Variants in NCF4 observed in about 807,000 individuals in gnomAD.
NCF4 encodes the protein neutrophil cytosol factor 4.
A neutral mutation model predicts 41.7 loss-of-function variants in NCF4; 30 were observed. The ratio of observed to expected loss-of-function variants is 0.72; its 90% CI spans 0.54 to 0.97. The LOEUF is 0.97. Among genes scored for constraint, NCF4 ranks in the 50% least tolerant of loss-of-function variants. The pLI, the probability that NCF4 is intolerant of heterozygous loss-of-function variation, is 0.00. For synonymous variants in NCF4, 195 were observed against 175.8 expected (o/e 1.11, Z -0.87); for missense variants, 432 against 460.9 (o/e 0.94, Z 0.57).
chr22:36,873,207 T>C (rs1012327916), intron 7 of NCF4, among the ~76,000 whole-genome samples: 2 of 142,102 alleles, frequency 1.4e-5, no homozygotes, highest in Non-Finnish European at 3.0e-5. Flanking sequence ...AAGATGGAGG[T>C]GAGGATAGAG....
intron 7 of NCF4, among the ~76,000 whole-genome samples, chr22:36,872,663 A>T (rs141893035): frequency 1.5e-3 from 52 of 34,170 alleles, no homozygotes; most frequent in Non-Finnish European, 1.4e-3. Flanking sequence ...ATGAGATTGG[A>T]GGTGAGGATG....
At chr22:36,869,950 G>A (rs1308341695) in intron 4 of NCF4, 3 of 212,610 alleles carry the variant, frequency 1.4e-5, no homozygotes, top group Non-Finnish European at 2.9e-5. Flanking sequence ...TAAGCTTTGG[G>A]TAGCCTTTAG....
chr22:36,864,048 C>G lies in NCF4; in HGVS notation c.36C>G (p.Asp12Glu), dbSNP rs766618219. ...TCTTTTCCCCTCCTTCGCACAGTGA[C>G]TTTGAACAGCTTCCGGATGATGTTG... ...AVAQQLRAES[D>E]FEQLPDDVAI... is the part of the protein sequence containing the mutation. Residue 12 changes from aspartate to glutamate, a missense_variant, in exon 2 of 10, where the codon GAC (aspartate) becomes GAG (glutamate). Transcript: ENST00000248899. The G allele has an allele frequency of 6.2e-7, 1 of 1,614,140 alleles. No homozygotes were observed. Among genetic ancestry groups the G allele is most frequent in the South Asian group, 1.1e-5 (1 of 91,078 alleles).
chr22:36,870,132 C>T, intron 4 of NCF4: 1 of 480,652 alleles, frequency 2.1e-6, no homozygotes, highest in Non-Finnish European at 3.8e-6. Context: ...TTGTCATCAC[C>T]ATTACTGCTG....
At chr22:36,873,862 AAC>A (rs146023502) in intron 7 of NCF4, among the ~76,000 whole-genome samples, 103,553 of 151,812 alleles carry the variant, frequency 0.68, 36,029 homozygotes, top group Admixed American at 0.76. Flanking sequence ...GTGAAATCGC[AAC>A]CACTTGTGTA....
At chr22:36,876,404 A>AC (rs1334870821) in intron 9 of NCF4, among the ~76,000 whole-genome samples, 2 of 151,640 alleles carry the variant, frequency 1.3e-5, no homozygotes, top group African/African-American at 4.8e-5. Flanking sequence ...GGGACTCACT[A>AC]CCCCCCCAGG....
intron 6 of NCF4, 151 bp downstream of exon 6, chr22:36,871,860 C>T (rs1246417603): frequency 1.0e-6 from 1 of 983,414 alleles, no homozygotes; most frequent in Non-Finnish European, 1.5e-6. Flanking sequence ...CAGCCTCAGC[C>T]TCTGCCACTG....
intron 1 of NCF4, among the ~76,000 whole-genome samples, chr22:36,863,704 C>T (rs892045698): frequency 2.5e-5 from 1 of 39,282 alleles, no homozygotes; most frequent in Non-Finnish European, 5.2e-5. Flanking sequence ...TGCCTTATTC[C>T]CAGGTGAATC....
At chr22:36,861,481 G>A (rs1939773183) in intron 1 of NCF4, among the ~76,000 whole-genome samples, 1 of 152,244 alleles carries the variant, frequency 6.6e-6, no homozygotes, top group Admixed American at 6.5e-5. Flanking sequence ...GGAGAGGAAT[G>A]CAGGTGTCCT....
At chr22:36,864,724 CTTTTT>C (rs200534565) in intron 2 of NCF4, among the ~76,000 whole-genome samples, 190 bp from the exon 3 acceptor site, 2 of 148,886 alleles carry the variant, frequency 1.3e-5, no homozygotes, top group Non-Finnish European at 3.0e-5. Flanking sequence ...CTTTTCTTTT[CTTTTT>C]TTTTCGCAAA....
At chr22:36,872,845 C>T (rs1456062745) in intron 7 of NCF4, among the ~76,000 whole-genome samples, 3 of 48,728 alleles carry the variant, frequency 6.2e-5, no homozygotes, top group South Asian at 1.4e-3. Flanking sequence ...TAAGGGTGGA[C>T]GTGAGGATGG....
intron 1 of NCF4, 63 bp downstream of exon 1, chr22:36,861,266 A>C: frequency 6.5e-7 from 1 of 1,527,640 alleles, no homozygotes. Context: ...CTTAGGGACA[A>C]AGGCCAGTCC....
intron 9 of NCF4, 133 bp downstream of exon 9, chr22:36,876,227 C>A: frequency 2.1e-6 from 2 of 942,930 alleles, no homozygotes; most frequent in Non-Finnish European, 3.1e-6. Context: ...CGCAGCCCAG[C>A]CCTGCAGGTT....
intron 4 of NCF4, among the ~76,000 whole-genome samples, chr22:36,869,814 T>G (rs1424791163): frequency 6.6e-6 from 1 of 152,240 alleles, no homozygotes; most frequent in African/African-American, 2.4e-5. Flanking sequence ...TCTCCAAGCA[T>G]CAGTTTCCTC....
Position 36,875,644 on chromosome 22 carries a change from C to T in NCF4, c.628-9C>T. On this transcript the variant is annotated splice_polypyrimidine_tract_variant and intron_variant, in intron 7 of 9. Transcript: ENST00000248899. Reference sequence around the variant, plus strand: ...TCACCAGCATGGCATCCCTTCTCTTCCTCTGCAGGGCACTGTCCGGGGAGC... The same window carrying T: ...TCACCAGCATGGCATCCCTTCTCTTTCTCTGCAGGGCACTGTCCGGGGAGC... The T allele has an allele frequency of 1.9e-6, 3 of 1,610,618 alleles. No individual in the cohort carries two copies. Among genetic ancestry groups the T allele is most frequent in the Non-Finnish European group, 2.5e-6 (3 of 1,179,868 alleles).
intron 7 of NCF4, among the ~76,000 whole-genome samples, chr22:36,873,044 A>T (rs563970507): frequency 7.9e-5 from 8 of 101,088 alleles, no homozygotes; most frequent in East Asian, 7.6e-4. Context: ...GGAGGTGAGG[A>T]TGGAGGTGAG....
Position 36,870,321 on chromosome 22 carries a change from G to T in NCF4, c.343-94G>T, listed in dbSNP as rs965821867. ...ATCATGCATTAGTAAAGAGAGGAGG[G>T]CTGATGTCAGGGCTCGGGGACGGGA... is the stretch of plus-strand genomic sequence containing the variant. On this transcript the variant is annotated intron_variant, in intron 4 of 9. Coordinates refer to ENST00000248899, the MANE Select transcript of NCF4 (RefSeq NM_000631.5). The T allele has an allele frequency of 2.6e-6, 4 of 1,546,694 alleles. 1 individual carries two copies. Among genetic ancestry groups the T allele is most frequent in the Middle Eastern group, 3.4e-4 (2 of 5,928 alleles).
intron 9 of NCF4, among the ~76,000 whole-genome samples, chr22:36,877,373 G>A (rs977049175): frequency 6.6e-6 from 1 of 152,064 alleles, no homozygotes; most frequent in Non-Finnish European, 1.5e-5. Flanking sequence ...CTAACCTCAG[G>A]TAATCTGCCT....
rs1013255327 is a variant in NCF4, at chr22:36,876,104, T to A, written c.824+10T>A. Reference sequence around the variant, plus strand: ...TGCTGGAGCTCACAAGGTGAGGGGCTGGGAATGGGGCTGGGGAGTTAGATA... The same window carrying A: ...TGCTGGAGCTCACAAGGTGAGGGGCAGGGAATGGGGCTGGGGAGTTAGATA... On this transcript the variant is annotated intron_variant, in intron 9 of 9. Coordinates refer to ENST00000248899, the MANE Select transcript of NCF4 (RefSeq NM_000631.5). 22 of 1,601,548 alleles carry A rather than the reference T, an allele frequency of 1.4e-5. No homozygotes were observed. The highest frequency in any genetic ancestry group is 1.8e-5 in the Non-Finnish European group (21 of 1,172,764).
Sources: gnomAD v4.1 joint callset for allele counts (sites outside exome capture counted in the v4.1 genomes callset) on GRCh38, gnomAD v4.1.1 for gene constraint, MANE v1.5 for transcripts, NCBI Gene and HGNC (gene_info 2026-07-23, HGNC 2026-07-21) for gene names.